HECW1: variants seen among roughly 807,000 people sequenced by gnomAD.
HECW1 encodes the protein E3 ubiquitin-protein ligase HECW1.
In HECW1, 61 loss-of-function variants were observed where a neutral mutation model predicts 182.3. The observed-to-expected ratio is 0.33, with a 90% CI of 0.27 to 0.41. HECW1 has a LOEUF of 0.41. Ranked by LOEUF, HECW1 falls within the 10% of genes least tolerant of loss-of-function variation. The probability of loss-of-function intolerance (pLI) is 1.00; values close to 1 mark genes in which losing one functional copy is unlikely to be tolerated. For missense variants in HECW1, 1,739 were observed against 2,108.9 expected, an observed-to-expected ratio of 0.82 and a Z score of 3.44; for synonymous variants, 859 against 832.6, an observed-to-expected ratio of 1.03 and a Z score of -0.55.
rs1341650943 is a variant in HECW1, at chr7:43,541,962, C to A, written c.4212C>A (p.Asp1404Glu). Residue 1404 changes from aspartate (D) to glutamate (E), a missense_variant, in exon 26 of 30, where the codon GAC becomes GAA. Asp to Glu is a conservative substitution (Grantham distance 45). Around this residue, in one of 5 missense-constraint regions of HECW1, gnomAD observed 420 missense variants for 595.7 expected, o/e 0.71. Coordinates refer to ENST00000395891, the MANE Select transcript of HECW1 (RefSeq NM_015052.5). ...MKDNNITDIL[D>E]LTFTVNEEVF... ...ACAACAACATCACAGACATCTTAGA[C>A]CTCACTTTCACTGTTAATGAAGAGG... The A allele has an allele frequency of 6.4e-7, 1 of 1,550,734 alleles. No individual in the cohort carries two copies.
At chr7:43,227,327 A>G (rs905020358) in intron 2 of HECW1, among the ~76,000 whole-genome samples, 6 of 152,192 alleles carry the variant, frequency 3.9e-5, no homozygotes, top group African/African-American at 1.4e-4. Flanking sequence ...GTAAAGTGTA[A>G]GGAAAATATC....
Position 43,282,916 on chromosome 7 carries a change from G to A in HECW1, c.28-28847G>A, listed in dbSNP as rs546595377. 3.8e-4 allele frequency among the ~76,000 whole-genome samples: 58 copies of A among 152,146 alleles called. No individual in the cohort carries two copies. The East Asian group carries it at 7.5e-3, about 20-fold the overall frequency. ...GCAGATCACCTGAGGTCAAGAGTTC[G>A]AGACCAGCCTGGCCAACATGGGAAA... On this transcript the variant is annotated intron_variant, in intron 3 of 29. Transcript: ENST00000395891.
At chr7:43,176,178 A>C (rs1218530178) in intron 2 of HECW1, among the ~76,000 whole-genome samples, 1 of 152,218 alleles carries the variant, frequency 6.6e-6, no homozygotes, top group Non-Finnish European at 1.5e-5. Context: ...CCTGGATTCA[A>C]TTCTGGAGTC....
chr7:43,531,298 G>A (rs539656115), intron 24 of HECW1, among the ~76,000 whole-genome samples: 3 of 152,024 alleles, frequency 2.0e-5, no homozygotes, highest in South Asian at 2.1e-4. Context: ...CTTCCTCCCC[G>A]GAGTTTTCAC....
At chr7:43,133,270 A>G (rs1443812531) in intron 2 of HECW1, among the ~76,000 whole-genome samples, 2 of 151,794 alleles carry the variant, frequency 1.3e-5, no homozygotes, top group African/African-American at 4.8e-5. Flanking sequence ...AAATGAATAA[A>G]TAAGATTAGT....
At chr7:43,497,743 A>G (rs553122753) in intron 19 of HECW1, among the ~76,000 whole-genome samples, 8 of 152,276 alleles carry the variant, frequency 5.3e-5, no homozygotes, top group South Asian at 2.1e-4. Flanking sequence ...CAGCTTGAAC[A>G]TGGTGGGTGA....
chr7:43,486,706 C>T (rs984225125), intron 17 of HECW1, among the ~76,000 whole-genome samples: 19 of 152,186 alleles, frequency 1.2e-4, no homozygotes, highest in African/African-American at 4.3e-4. Context: ...AACACCATTG[C>T]CTATGCATCC....
At chr7:43,522,516 G>A (rs1490883113) in intron 24 of HECW1, 2 of 152,444 alleles carry the variant, frequency 1.3e-5, no homozygotes, top group Non-Finnish European at 2.9e-5. Flanking sequence ...TTCCCACAGA[G>A]TTGCCATGGG....
chr7:43,324,922 G>T (rs1810585261), intron 5 of HECW1, among the ~76,000 whole-genome samples: 1 of 151,942 alleles, frequency 6.6e-6, no homozygotes, highest in South Asian at 2.1e-4. Flanking sequence ...GAGTCTGCAG[G>T]GTTCTAATAG....
At chr7:43,183,980 G>A (rs1249592081) in intron 2 of HECW1, among the ~76,000 whole-genome samples, 2 of 151,808 alleles carry the variant, frequency 1.3e-5, no homozygotes, top group Non-Finnish European at 2.9e-5. Context: ...AAATCAAGAT[G>A]TGATTTGTAG....
At chr7:43,438,307 AGTGTTTG>A in intron 9 of HECW1, 162 bp downstream of exon 9, 1 of 582,364 alleles carries the variant, frequency 1.7e-6, no homozygotes, top group Non-Finnish European at 2.9e-6. Flanking sequence ...AGCCAACATA[AGTGTTTG>A]TTATATTAAA....
intron 16 of HECW1, 21 bp downstream of exon 16, chr7:43,469,126 G>A (rs1302354852): frequency 1.9e-6 from 3 of 1,609,898 alleles, no homozygotes; most frequent in East Asian, 2.2e-5. Context: ...CCCACGTGCG[G>A]GGCTTTCATC....
chr7:43,490,471 G>A (rs2078886634), intron 17 of HECW1, among the ~76,000 whole-genome samples: 1 of 152,102 alleles, frequency 6.6e-6, no homozygotes, highest in Non-Finnish European at 1.5e-5. Context: ...GCCTATTTTA[G>A]CATACTTTGA....
Position 43,438,032 on chromosome 7 carries a change from C to G in HECW1, c.831C>G (p.Asp277Glu). 6.2e-7 allele frequency: 1 copy of G among 1,614,020 alleles called. No homozygotes were observed. Among genetic ancestry groups the G allele is most frequent in the Non-Finnish European group, 8.5e-7 (1 of 1,179,958 alleles). ...TCAGTTTTGTGTCCTTGCCCACTGA[C>G]GTGCTGGAAATTGAGGTGAAGGACA... ...EQFSFVSLPT[D>E]VLEIEVKDKF... The change falls in exon 9 of 30, where the codon GAC becomes GAG. Residue 277 changes from aspartate (D) to glutamate (E), a missense_variant. Asp to Glu is a conservative substitution (Grantham distance 45). This residue lies in a region of HECW1 where 3 missense variants were observed against 17.3 expected (regional missense o/e 0.17). Transcript: ENST00000395891.
At chr7:43,308,757 G>T (rs1354872475) in intron 3 of HECW1, among the ~76,000 whole-genome samples, 1 of 152,082 alleles carries the variant, frequency 6.6e-6, no homozygotes, top group Non-Finnish European at 1.5e-5. Flanking sequence ...AAGTAGCTGG[G>T]ATTACAGGCA....
chr7:43,398,274 A>G (rs1018675858), intron 7 of HECW1, among the ~76,000 whole-genome samples: 6 of 152,198 alleles, frequency 3.9e-5, no homozygotes, highest in African/African-American at 1.4e-4. Context: ...ATGAAATAAA[A>G]TAAAATAAAT....
chr7:43,456,044 G>T (rs1256690031), intron 12 of HECW1, among the ~76,000 whole-genome samples: 2 of 152,076 alleles, frequency 1.3e-5, no homozygotes, highest in Non-Finnish European at 1.5e-5. Flanking sequence ...TAACATAGGT[G>T]TTGATCAAGG....
At chr7:43,114,487 G>A in intron 2 of HECW1, 96 bp downstream of exon 2, 1 of 1,097,220 alleles carries the variant, frequency 9.1e-7, no homozygotes, top group Non-Finnish European at 1.2e-6. Context: ...GAATGTGTGT[G>A]CCTGTTTGGT....
chr7:43,488,324 GAGGAAGGAAGGAAGGAAGGAAGGAAGGA>G (rs200213322), intron 17 of HECW1, among the ~76,000 whole-genome samples: 945 of 42,204 alleles, frequency 0.022, 25 homozygotes, highest in African/African-American at 0.058. Flanking sequence ...AAGAAAGAAA[GAGGAAGGAAGGAAGGAAGGAAGGAAGGA>G]AGGAAGGAAG....
Sources: gnomAD v4.1 joint callset for allele counts (sites outside exome capture counted in the v4.1 genomes callset) on GRCh38, gnomAD v4.1.1 for gene constraint, gnomAD v4.1.1 regional missense constraint, MANE v1.5 for transcripts, NCBI Gene and HGNC (gene_info 2026-07-23, HGNC 2026-07-21) for gene names.